Variants in RAPGEF6 observed in about 807,000 individuals in gnomAD.
The protein encoded by RAPGEF6 is PDZ domain containing guanine nucleotide exchange factor (GEF) 2.
A neutral mutation model predicts 171.4 loss-of-function variants in RAPGEF6; 56 were observed. The ratio of observed to expected loss-of-function variants is 0.33; its 90% CI spans 0.26 to 0.41. The LOEUF is 0.41. RAPGEF6 is among the 10% of genes least tolerant of loss of function. The pLI is 1.00. For missense variants in RAPGEF6, 1,674 were observed against 1,921.4 expected (o/e 0.87, Z 2.41); for synonymous variants, 692 against 650.1 (o/e 1.06, Z -0.98).
intron 15 of RAPGEF6, among the ~76,000 whole-genome samples, chr5:131,484,693 A>G (rs1255042387): frequency 6.6e-6 from 1 of 152,204 alleles, no homozygotes; most frequent in Non-Finnish European, 1.5e-5. Flanking sequence ...CAAAAACTAT[A>G]AACAATCTAA....
At chr5:131,486,761 G>A (rs1024192865) in intron 15 of RAPGEF6, among the ~76,000 whole-genome samples, 26 of 130,870 alleles carry the variant, frequency 2.0e-4, no homozygotes, top group African/African-American at 6.4e-4. Context: ...ATAGAGTCTC[G>A]CTCTGTCCCC....
chr5:131,463,029 T>G (rs1754047159), intron 18 of RAPGEF6, among the ~76,000 whole-genome samples: 1 of 152,224 alleles, frequency 6.6e-6, no homozygotes, highest in Non-Finnish European at 1.5e-5. Flanking sequence ...ATGAGGTATA[T>G]TCTACTATTA....
intron 17 of RAPGEF6, chr5:131,472,288 G>A (rs1206247029): frequency 2.7e-6 from 1 of 372,996 alleles, no homozygotes; most frequent in East Asian, 6.6e-5. Flanking sequence ...AGCCAGGATG[G>A]TCTCAATCTC....
In RAPGEF6 at chr5:131,462,021, T is replaced by G. The variant is rs781397308; in HGVS notation, c.2548A>C (p.Lys850Gln). 1 of 1,613,506 alleles carries G rather than the reference T, an allele frequency of 6.2e-7. No homozygotes were observed. Among genetic ancestry groups the G allele is most frequent in the African/African-American group, 1.3e-5 (1 of 74,938 alleles). ...CSDEDAQELVKESQLSMLQLS... is the reference protein window; with the variant it reads ...CSDEDAQELVQESQLSMLQLS... ...TGCAGCATGGATAGCTGGCTTTCCT[T>G]AACTAGTTCTTGAGCATCTTCATCT... is the stretch of plus-strand genomic sequence containing the variant. Residue 850 changes from lysine (K) to glutamine (Q), a missense_variant, in exon 19 of 28, where the codon AAG (lysine) becomes CAG (glutamine). By Grantham distance (53) the Lys-to-Gln change is moderately conservative. Around this residue, in one of 3 missense-constraint regions of RAPGEF6, gnomAD observed 1,116 missense variants for 1,321.5 expected, o/e 0.84. Coordinates refer to ENST00000509018, the MANE Select transcript of RAPGEF6 (RefSeq NM_016340.6).
At chr5:131,577,961 G>T (rs916086389) in intron 4 of RAPGEF6, among the ~76,000 whole-genome samples, 5 of 152,104 alleles carry the variant, frequency 3.3e-5, no homozygotes, top group African/African-American at 1.2e-4. Flanking sequence ...CCAAAAACTT[G>T]TCATCCCTAC....
chr5:131,622,854 G>C (rs750734037), intron 1 of RAPGEF6, among the ~76,000 whole-genome samples: 1 of 152,158 alleles, frequency 6.6e-6, no homozygotes, highest in Non-Finnish European at 1.5e-5. Flanking sequence ...CTGCCAACCA[G>C]GGATGTGCAC....
chr5:131,504,793 C>T lies in RAPGEF6; in HGVS notation c.1102-15G>A. The T allele has an allele frequency of 6.2e-7, 1 of 1,603,920 alleles. No individual in the cohort carries two copies. Among genetic ancestry groups the T allele is most frequent in the Non-Finnish European group, 8.5e-7 (1 of 1,175,288 alleles). On this transcript the variant is annotated splice_polypyrimidine_tract_variant and intron_variant, in intron 10 of 27. Transcript: ENST00000509018. ...ATGCAGACAAACTGTCCAAGAACAA[C>T]ATGGGGACAGTTAATGAACCTATAG...
At chr5:131,549,649 C>A (rs1349213181) in intron 5 of RAPGEF6, among the ~76,000 whole-genome samples, 1 of 151,852 alleles carries the variant, frequency 6.6e-6, no homozygotes, top group Non-Finnish European at 1.5e-5. Context: ...AGTTAACGTC[C>A]AGCCTGGGCA....
intron 1 of RAPGEF6, among the ~76,000 whole-genome samples, chr5:131,612,655 C>G (rs1046036782): frequency 1.3e-5 from 2 of 152,090 alleles, no homozygotes; most frequent in Non-Finnish European, 2.9e-5. Flanking sequence ...TGGTGGCAAA[C>G]AAGTTCTGAA....
At position 131,592,338 on chromosome 5, in the gene RAPGEF6, A is replaced by G. The variant is rs547701324; in HGVS notation, c.281+45T>C. Reference sequence around the variant, plus strand: ...AGAAAATATACATCCTATACAAAATAGTTTAACATTAACTTTGCCTGCCAT... The same window carrying G: ...AGAAAATATACATCCTATACAAAATGGTTTAACATTAACTTTGCCTGCCAT... On this transcript the variant is annotated intron_variant, in intron 4 of 27. Coordinates refer to ENST00000509018, the MANE Select transcript of RAPGEF6 (RefSeq NM_016340.6). The G allele has an allele frequency of 1.0e-5, 16 of 1,597,862 alleles. No individual in the cohort carries two copies. In the East Asian group the frequency reaches 2.7e-4, roughly 27 times the overall value.
chr5:131,506,218 G>C (rs1580934504), intron 9 of RAPGEF6, among the ~76,000 whole-genome samples: 1 of 152,180 alleles, frequency 6.6e-6, no homozygotes, highest in Non-Finnish European at 1.5e-5. Context: ...ATAGCTCACT[G>C]TAGCTTCAAA....
At chr5:131,466,114 A>C (rs1021724448) in intron 17 of RAPGEF6, among the ~76,000 whole-genome samples, 7 of 151,098 alleles carry the variant, frequency 4.6e-5, no homozygotes, top group Non-Finnish European at 8.9e-5. Context: ...AAAAAAAAAA[A>C]GACTTGCTCT....
At chr5:131,451,973 C>T (rs1753110483) in intron 21 of RAPGEF6, among the ~76,000 whole-genome samples, 1 of 152,198 alleles carries the variant, frequency 6.6e-6, no homozygotes, top group Admixed American at 6.5e-5. Flanking sequence ...TGGCTCACGC[C>T]TATAATCCCA....
intron 3 of RAPGEF6, among the ~76,000 whole-genome samples, chr5:131,599,407 T>C (rs1764093679): frequency 6.6e-6 from 1 of 152,072 alleles, no homozygotes; most frequent in Non-Finnish European, 1.5e-5. Context: ...AGTACTTGCA[T>C]GAACACAGGC....
intron 6 of RAPGEF6, among the ~76,000 whole-genome samples, chr5:131,534,898 T>C (rs1759661278): frequency 6.6e-6 from 1 of 152,014 alleles, no homozygotes; most frequent in Non-Finnish European, 1.5e-5. Flanking sequence ...TATAGCCGAA[T>C]CAAAAAGCAA....
chr5:131,602,461 T>C (rs1764314703), intron 3 of RAPGEF6, among the ~76,000 whole-genome samples: 1 of 152,114 alleles, frequency 6.6e-6, no homozygotes, highest in Non-Finnish European at 1.5e-5. Context: ...TTATTTATAA[T>C]ACTAAAAATT....
intron 25 of RAPGEF6, among the ~76,000 whole-genome samples, chr5:131,432,246 C>T (rs1751753078): frequency 6.6e-6 from 1 of 152,044 alleles, no homozygotes; most frequent in South Asian, 2.1e-4. Context: ...GTTTGTAAAC[C>T]CCTCATTTAC....
intron 6 of RAPGEF6, among the ~76,000 whole-genome samples, chr5:131,542,385 T>C (rs1348823354): frequency 6.6e-6 from 1 of 152,152 alleles, no homozygotes; most frequent in African/African-American, 2.4e-5. Flanking sequence ...TTTAATCCTT[T>C]TACAAATCTA....
chr5:131,508,160 T>C lies in RAPGEF6; in HGVS notation c.853A>G (p.Thr285Ala), dbSNP rs1757486562. The change falls in exon 9 of 28, where the codon ACC becomes GCC. Residue 285 changes from threonine to alanine, a missense_variant. By Grantham distance (58) the Thr-to-Ala change is moderately conservative. Around this residue, in one of 3 missense-constraint regions of RAPGEF6, gnomAD observed 1,116 missense variants for 1,321.5 expected, o/e 0.84. Transcript: ENST00000509018. ...CAGAGTTCTCTCCTTACAGACATGG[T>C]CATGTTTGCAAATGCAGGGAGCTGG... ...MHQLPAFANM[T>A]MSVRRELCSV... The C allele has an allele frequency of 6.2e-7, 1 of 1,613,102 alleles. No homozygotes were observed. Among genetic ancestry groups the C allele is most frequent in the Non-Finnish European group, 8.5e-7 (1 of 1,179,556 alleles).
Sources: allele counts gnomAD v4.1 joint callset (sites outside exome capture counted in the v4.1 genomes callset), GRCh38; gene constraint gnomAD v4.1.1; regional missense constraint gnomAD v4.1.1; transcripts MANE v1.5; gene names NCBI Gene and HGNC (gene_info 2026-07-23, HGNC 2026-07-21).